The following PCDH15 variants were observed in gnomAD, a reference collection of about 807,000 sequenced individuals.
PCDH15 encodes the protein protocadherin-15.
PCDH15 carries 129 observed loss-of-function variants against 178.5 expected under a neutral mutation model. That is an observed-to-expected ratio of 0.72 (90% CI 0.63 to 0.84). The LOEUF is 0.84. Ranked by LOEUF, PCDH15 falls within the 40% of genes least tolerant of loss-of-function variation. PCDH15 has a pLI of 0.00. For missense variants in PCDH15, 2,230 were observed against 2,099.9 expected (o/e 1.06, Z -1.21); for synonymous variants, 800 against 732.0 (o/e 1.09, Z -1.50).
intron 2 of PCDH15, among the ~76,000 whole-genome samples, chr10:55,456,531 G>A (rs1268578828): frequency 6.6e-6 from 1 of 151,976 alleles, no homozygotes; most frequent in African/African-American, 2.4e-5. Context: ...GTCATTTCAT[G>A]GGAGCAGAAA....
At chr10:54,288,635 C>T (rs1169417537) in intron 8 of PCDH15, among the ~76,000 whole-genome samples, 1 of 152,186 alleles carries the variant, frequency 6.6e-6, no homozygotes, top group Non-Finnish European at 1.5e-5. Context: ...CATACTGTAC[C>T]TGGAAAAATG....
chr10:54,659,581 C>A (rs2094458711), intron 2 of PCDH15, among the ~76,000 whole-genome samples: 1 of 151,766 alleles, frequency 6.6e-6, no homozygotes, highest in South Asian at 2.1e-4. Flanking sequence ...GGTAAAACCC[C>A]ATCTCTATTA....
intron 2 of PCDH15, among the ~76,000 whole-genome samples, chr10:55,449,503 A>G (rs950021782): frequency 2.6e-5 from 4 of 152,142 alleles, no homozygotes; most frequent in African/African-American, 9.6e-5. Context: ...ATGAGAGGTC[A>G]AAATATGGTG....
chr10:53,828,725 A>T, intron 30 of PCDH15, 152 bp from the exon 31 acceptor site: 1 of 649,268 alleles, frequency 1.5e-6, no homozygotes, highest in African/African-American at 1.8e-5. Flanking sequence ...AAAACTAAGG[A>T]TATCAATTCA....
intron 3 of PCDH15, among the ~76,000 whole-genome samples, chr10:54,385,134 A>G (rs901077774): frequency 1.3e-5 from 2 of 152,146 alleles, no homozygotes; most frequent in Non-Finnish European, 2.9e-5. Flanking sequence ...AATTTTTAAT[A>G]TAAGATATTT....
rs529728092 is a variant in PCDH15 at position 54,168,016 on chromosome 10, C to A, written c.1591-14723G>T. Among the ~76,000 whole-genome samples, 621 of 151,634 alleles carry A rather than the reference C, an allele frequency of 4.1e-3. 4 individuals carry two copies. The highest frequency in any genetic ancestry group is 0.014 in the African/African-American group (593 of 41,240). ...GGCTTGCTTCCTTGACTATAGGCAA[C>A]CTTCCACCCTCCATTCCTCCTTCTA... On this transcript the variant is annotated intron_variant, in intron 13 of 37. Transcript: ENST00000644397.
At chr10:54,360,931 G>A (rs1344952611) in intron 5 of PCDH15, among the ~76,000 whole-genome samples, 1 of 152,116 alleles carries the variant, frequency 6.6e-6, no homozygotes, top group East Asian at 1.9e-4. Context: ...TAGTCTTGCT[G>A]TTATATGGGA....
intron 8 of PCDH15, among the ~76,000 whole-genome samples, chr10:54,291,193 G>A (rs1434210958): frequency 1.3e-5 from 2 of 152,098 alleles, no homozygotes; most frequent in African/African-American, 2.4e-5. Flanking sequence ...CAACTACAAG[G>A]AAACTGAAAA....
intron 6 of PCDH15, 37 bp downstream of exon 6, chr10:54,346,328 T>G: frequency 3.1e-6 from 5 of 1,596,664 alleles, no homozygotes; most frequent in Non-Finnish European, 4.3e-6. Context: ...TTTTATTCCT[T>G]TTAAGAAAAT....
intron 3 of PCDH15, among the ~76,000 whole-genome samples, chr10:54,462,635 C>T (rs1250382461): frequency 7.0e-6 from 1 of 143,246 alleles, no homozygotes; most frequent in African/African-American, 2.6e-5. Context: ...CTGCCTCAGC[C>T]TTCCCCAGTC....
At chr10:54,890,724 T>G (rs796813195) in intron 3 of PCDH15, among the ~76,000 whole-genome samples, 12 of 152,068 alleles carry the variant, frequency 7.9e-5, no homozygotes, top group African/African-American at 2.9e-4. Flanking sequence ...AAAATATTTA[T>G]TATTTTTCAG....
intron 2 of PCDH15, among the ~76,000 whole-genome samples, chr10:55,047,899 C>T (rs1215492401): frequency 2.6e-5 from 4 of 151,704 alleles, no homozygotes; most frequent in Admixed American, 2.6e-4. Flanking sequence ...AATGTGGACA[C>T]ATTTTAATCA....
At chr10:54,612,596 A>C (rs2134266969) in intron 2 of PCDH15, among the ~76,000 whole-genome samples, 1 of 151,892 alleles carries the variant, frequency 6.6e-6, no homozygotes, top group South Asian at 2.1e-4. Flanking sequence ...TTTGAAAAAC[A>C]AACTGCAGAA....
At chr10:54,365,736 C>A (rs942316243) in intron 5 of PCDH15, among the ~76,000 whole-genome samples, 8 of 152,018 alleles carry the variant, frequency 5.3e-5, no homozygotes, top group African/African-American at 1.7e-4. Context: ...CTTAATGATA[C>A]AATTGTTTAA....
In PCDH15 at chr10:54,306,491, T is replaced by C. The variant is rs138916887; in HGVS notation, c.876+10780A>G. Reference sequence around the variant, plus strand: ...TCATAGTTTGTGTCCAAAAATAGTTTGCCAGAATCCTCAGTTTTTTGAGGG... The same window carrying C: ...TCATAGTTTGTGTCCAAAAATAGTTCGCCAGAATCCTCAGTTTTTTGAGGG... On this transcript the variant is annotated intron_variant, in intron 8 of 37. Coordinates refer to ENST00000644397, the MANE Select transcript of PCDH15 (RefSeq NM_001384140.1). Among the ~76,000 whole-genome samples, 302 of 151,836 alleles carry C rather than the reference T, an allele frequency of 2.0e-3. 1 individual carries two copies. Among genetic ancestry groups the C allele is most frequent in the Admixed American group, 3.8e-3 (57 of 15,130 alleles).
intron 1 of PCDH15, among the ~76,000 whole-genome samples, chr10:55,232,773 G>C (rs1841262402): frequency 6.6e-6 from 1 of 152,064 alleles, no homozygotes; most frequent in Non-Finnish European, 1.5e-5. Context: ...GAGAGGAACT[G>C]AACCACTCTG....
chr10:54,155,819 C>T (rs2045075644), intron 13 of PCDH15, among the ~76,000 whole-genome samples: 1 of 149,352 alleles, frequency 6.7e-6, no homozygotes, highest in Admixed American at 6.7e-5. Context: ...AAATCCAAAA[C>T]CTCAACGACA....
chr10:53,809,328 A>C (rs1170812106), intron 37 of PCDH15: 1 of 1,612,980 alleles, frequency 6.2e-7, no homozygotes. Context: ...CTTCTTCCTC[A>C]AGGCGTCTCT....
At chr10:55,530,279 T>C (rs1165615781) in intron 2 of PCDH15, among the ~76,000 whole-genome samples, 1 of 151,920 alleles carries the variant, frequency 6.6e-6, no homozygotes. Context: ...CTAACCATCA[T>C]TATTATTCTT....
Sources: allele counts gnomAD v4.1 joint callset (sites outside exome capture counted in the v4.1 genomes callset), GRCh38; gene constraint gnomAD v4.1.1; transcripts MANE v1.5; gene names NCBI Gene and HGNC (gene_info 2026-07-23, HGNC 2026-07-21).